Variants in PVT1 observed in about 807,000 individuals in gnomAD.
PVT1 encodes the protein CXCR4/PVT1 fusion.
chr8:127,809,045 A>AG (rs1814560751), intron 2 of PVT1, among the ~76,000 whole-genome samples: 3 of 138,952 alleles, frequency 2.2e-5, no homozygotes, highest in Non-Finnish European at 3.2e-5. Flanking sequence ...AAAAAAAAAA[A>AG]AAAAAAAAAA....
chr8:127,929,105 G>A (rs940178208), intron 3 of PVT1, among the ~76,000 whole-genome samples: 3 of 152,126 alleles, frequency 2.0e-5, no homozygotes, highest in Admixed American at 6.5e-5. Flanking sequence ...ACAGAAGCAA[G>A]GGGGGTTTAG....
chr8:127,858,759 G>C (rs1815187774), intron 2 of PVT1, among the ~76,000 whole-genome samples: 1 of 125,980 alleles, frequency 7.9e-6, no homozygotes, highest in Admixed American at 7.7e-5. Flanking sequence ...GTCACCACTT[G>C]GTTTCTTTTT....
intron 2 of PVT1, among the ~76,000 whole-genome samples, chr8:127,824,368 G>A (rs764374606): frequency 6.6e-6 from 1 of 152,138 alleles, no homozygotes; most frequent in African/African-American, 2.4e-5. Context: ...ATGTGTCCCA[G>A]GCTAATCTCA....
At chr8:127,936,240 T>C (rs913436420) in intron 3 of PVT1, among the ~76,000 whole-genome samples, 1 of 151,772 alleles carries the variant, frequency 6.6e-6, no homozygotes, top group African/African-American at 2.4e-5. Context: ...TTAGGAGAGA[T>C]GGGGTTTCTC....
intron 6 of PVT1, among the ~76,000 whole-genome samples, chr8:128,097,060 G>T (rs1014328532): frequency 1.2e-4 from 18 of 152,142 alleles, no homozygotes; most frequent in Admixed American, 1.1e-3. Context: ...TAGATCAGGG[G>T]TCCTTAAACT....
intron 5 of PVT1, among the ~76,000 whole-genome samples, chr8:128,072,088 A>T (rs1015092835): frequency 3.3e-5 from 5 of 152,186 alleles, no homozygotes; most frequent in Non-Finnish European, 7.3e-5. Flanking sequence ...AGAGGTTCAG[A>T]GGGGTCAATT....
At chr8:127,914,949 C>T (rs933415645) in intron 3 of PVT1, among the ~76,000 whole-genome samples, 2 of 151,926 alleles carry the variant, frequency 1.3e-5, no homozygotes, top group African/African-American at 4.8e-5. Context: ...CCTCAGCCTC[C>T]TGAGCGGTTA....
Position 128,097,123 on chromosome 8 carries a change from G to C in PVT1, n.1251+469G>C, listed in dbSNP as rs1334846136. Among the ~76,000 whole-genome samples, 5 of 152,236 alleles carry C rather than the reference G, an allele frequency of 3.3e-5. No individual in the cohort carries two copies. In the East Asian group the frequency reaches 7.7e-4, roughly 23 times the overall value. The stretch of plus-strand genomic sequence containing the variant: ...CACCTGTAATCCCAGAACTTTGGGA[G>C]GCCAAGGCGGGTGGATCACTTGAGG... On this transcript the variant is annotated intron_variant and non_coding_transcript_variant, in intron 6 of 10. Transcript: ENST00000651587.
chr8:128,085,465 A>G (rs774962080), intron 5 of PVT1, among the ~76,000 whole-genome samples: 15 of 150,756 alleles, frequency 9.9e-5, no homozygotes, highest in Admixed American at 3.4e-4. Flanking sequence ...TCTTCCTCCT[A>G]TGTACTAGGC....
chr8:127,823,922 G>A (rs1814760015), intron 2 of PVT1, among the ~76,000 whole-genome samples: 1 of 152,238 alleles, frequency 6.6e-6, no homozygotes, highest in Non-Finnish European at 1.5e-5. Flanking sequence ...GCTGGGTGAG[G>A]TGGCTCACGC....
rs1293036762 is a variant in PVT1, at chr8:127,997,044, G to GTTTTTTTTTTTTTTTTTTTTTTTTTT, written n.912+7765_912+7766insTTTTTTTTTTTTTTTTTTTTTTTTTT. On this transcript the variant is annotated intron_variant and non_coding_transcript_variant, in intron 4 of 10. Coordinates refer to ENST00000651587, the Ensembl canonical transcript of PVT1. ...GAACATTCACTGGTCATTTGCTTTC[G>GTTTTTTTTTTTTTTTTTTTTTTTTTT]TTTTTTTTTTTTGTTTGTTTGTTTT... 2.5e-5 allele frequency among the ~76,000 whole-genome samples: 2 copies of GTTTTTTTTTTTTTTTTTTTTTTTTTT among 81,594 alleles called. 1 individual carries two copies. The highest frequency in any genetic ancestry group is 1.0e-4 in the African/African-American group (2 of 19,862). The allele number at this position is 81,594 out of a possible 152,430, so 53.5% of individuals were successfully genotyped here. A position where few individuals can be genotyped will look rare whatever the true frequency, so the allele number is the denominator to read the frequency against.
At chr8:128,089,073 A>G (rs1265064318) in intron 5 of PVT1, among the ~76,000 whole-genome samples, 2 of 152,210 alleles carry the variant, frequency 1.3e-5, no homozygotes, top group East Asian at 3.8e-4. Flanking sequence ...TGCTGGAGGG[A>G]GGGAAATTTA....
chr8:127,857,364 C>T (rs913610297), intron 2 of PVT1, among the ~76,000 whole-genome samples: 2 of 151,960 alleles, frequency 1.3e-5, no homozygotes, highest in African/African-American at 4.8e-5. Flanking sequence ...CTCGGTTCCC[C>T]CAGGGACTCT....
intron 4 of PVT1, among the ~76,000 whole-genome samples, chr8:128,065,203 T>A (rs35394641): frequency 0.3 from 46,159 of 151,928 alleles, 7,562 homozygotes; most frequent in Middle Eastern, 0.4. Context: ...ATTTTTTATT[T>A]TTTTTTGAGA....
At chr8:127,957,717 C>T (rs1017697271) in intron 3 of PVT1, among the ~76,000 whole-genome samples, 4 of 152,218 alleles carry the variant, frequency 2.6e-5, no homozygotes, top group Non-Finnish European at 4.4e-5. Flanking sequence ...CAGGCCTTCC[C>T]GGTCCTGGGA....
intron 5 of PVT1, among the ~76,000 whole-genome samples, chr8:128,073,221 G>A (rs982667103): frequency 2.0e-5 from 3 of 152,102 alleles, no homozygotes; most frequent in African/African-American, 7.2e-5. Flanking sequence ...CAGTGATGTG[G>A]CTTTAAGCAA....
Position 127,817,861 on chromosome 8 carries a change from C to T in PVT1, n.372+21790C>T, listed in dbSNP as rs1254184820. The stretch of plus-strand genomic sequence containing the variant: ...GAGCTGCAACAGAGTGACACCTTGT[C>T]TCAGAAAAAATAGAGAGAGAAAGAT... On this transcript the variant is annotated intron_variant and non_coding_transcript_variant, in intron 2 of 10. Transcript: ENST00000651587. Among the ~76,000 whole-genome samples, 10 of 152,080 alleles carry T rather than the reference C, an allele frequency of 6.6e-5. No individual in the cohort carries two copies. In the East Asian group the frequency reaches 1.9e-3, roughly 29 times the overall value.
chr8:127,979,802 A>C (rs1286888809), intron 3 of PVT1, among the ~76,000 whole-genome samples: 2 of 151,894 alleles, frequency 1.3e-5, no homozygotes, highest in Non-Finnish European at 2.9e-5. Context: ...CTGATAGCTG[A>C]TGGTCATCTG....
chr8:127,919,702 G>A (rs1183624617), intron 3 of PVT1, among the ~76,000 whole-genome samples: 2 of 152,146 alleles, frequency 1.3e-5, no homozygotes, highest in African/African-American at 4.8e-5. Flanking sequence ...CCCTACCTTC[G>A]TTTTCTGGCC....
Sources: gnomAD v4.1 joint callset for allele counts (sites outside exome capture counted in the v4.1 genomes callset) on GRCh38, gnomAD v4.1.1 for gene constraint, MANE v1.5 for transcripts, NCBI Gene and HGNC (gene_info 2026-07-23, HGNC 2026-07-21) for gene names.